Variants in ATG10 observed in about 807,000 individuals in gnomAD.
ATG10 encodes the protein ubiquitin-like-conjugating enzyme ATG10.
A neutral mutation model predicts 32.1 loss-of-function variants in ATG10; 30 were observed. The ratio of observed to expected loss-of-function variants is 0.94; its 90% CI spans 0.70 to 1.27. The LOEUF (loss-of-function observed/expected upper bound fraction) is 1.27. Ranked by LOEUF, ATG10 falls within the 50% of genes most tolerant of loss-of-function variation. The pLI is 0.00. For synonymous variants in ATG10, 87 were observed against 91.5 expected, an observed-to-expected ratio of 0.95 and a Z score of 0.28; for missense variants, 233 against 262.3, an observed-to-expected ratio of 0.89 and a Z score of 0.77.
At chr5:82,124,315 T>A (rs1322709610) in intron 3 of ATG10, among the ~76,000 whole-genome samples, 1 of 151,558 alleles carries the variant, frequency 6.6e-6, no homozygotes, top group Non-Finnish European at 1.5e-5. Flanking sequence ...TTTTTTTTTT[T>A]ATAATTTAAG....
intron 2 of ATG10, among the ~76,000 whole-genome samples, chr5:82,016,847 C>A (rs543642972): frequency 6.6e-6 from 1 of 152,108 alleles, no homozygotes; most frequent in East Asian, 1.9e-4. Flanking sequence ...TGCCACCACG[C>A]CTGGCTAATT....
intron 2 of ATG10, among the ~76,000 whole-genome samples, chr5:82,000,191 CACAA>C (rs1489936462): frequency 1.1e-4 from 16 of 152,284 alleles, no homozygotes; most frequent in South Asian, 4.1e-4. Flanking sequence ...TGATTTGACA[CACAA>C]ACAAACTAAA....
intron 2 of ATG10, among the ~76,000 whole-genome samples, chr5:82,038,859 ATTAATT>A: frequency 6.6e-6 from 1 of 152,300 alleles, no homozygotes; most frequent in South Asian, 2.1e-4. Flanking sequence ...TGTTTAATTA[ATTAATT>A]TAGACTGAAT....
intron 5 of ATG10, among the ~76,000 whole-genome samples, chr5:82,247,962 T>C (rs533431005): frequency 7.8e-4 from 119 of 152,330 alleles, no homozygotes; most frequent in African/African-American, 2.7e-3. Context: ...TCTGTAAAGC[T>C]TGCAGGTTGG....
At chr5:82,219,791 G>A (rs1440191553) in intron 5 of ATG10, among the ~76,000 whole-genome samples, 7 of 152,190 alleles carry the variant, frequency 4.6e-5, no homozygotes, top group African/African-American at 1.4e-4. Context: ...AATTACTTAT[G>A]GACTTATTAG....
chr5:82,179,131 A>G (rs1744140865), intron 5 of ATG10, among the ~76,000 whole-genome samples: 1 of 152,150 alleles, frequency 6.6e-6, no homozygotes, highest in Non-Finnish European at 1.5e-5. Flanking sequence ...ACTGAAAGTG[A>G]AAAACAGAAT....
chr5:82,136,555 C>T (rs1766758794), intron 3 of ATG10, among the ~76,000 whole-genome samples: 1 of 152,166 alleles, frequency 6.6e-6, no homozygotes, highest in South Asian at 2.1e-4. Flanking sequence ...ATATTGGTCC[C>T]TACTCTCTTC....
At chr5:82,216,798 T>C (rs953061634) in intron 5 of ATG10, among the ~76,000 whole-genome samples, 3 of 152,172 alleles carry the variant, frequency 2.0e-5, no homozygotes, top group African/African-American at 7.2e-5. Flanking sequence ...GGCTCATGCC[T>C]GTAATCCCAG....
intron 5 of ATG10, among the ~76,000 whole-genome samples, chr5:82,196,809 T>C (rs1241000682): frequency 6.6e-6 from 1 of 152,220 alleles, no homozygotes; most frequent in Non-Finnish European, 1.5e-5. Context: ...CAGTCATTTT[T>C]TGAAATTGGG....
At chr5:82,122,482 C>T (rs1165829581) in intron 3 of ATG10, among the ~76,000 whole-genome samples, 1 of 152,086 alleles carries the variant, frequency 6.6e-6, no homozygotes, top group Admixed American at 6.6e-5. Flanking sequence ...ACACCAAAAG[C>T]AATTGCAACA....
intron 2 of ATG10, among the ~76,000 whole-genome samples, chr5:82,046,240 C>T (rs1763234309): frequency 6.6e-6 from 1 of 152,156 alleles, no homozygotes; most frequent in Non-Finnish European, 1.5e-5. Context: ...CACCTGGAAC[C>T]TGTGAATGCA....
chr5:82,049,556 TA>T (rs1051332400), intron 2 of ATG10, among the ~76,000 whole-genome samples: 18 of 149,608 alleles, frequency 1.2e-4, no homozygotes, highest in Admixed American at 4.7e-4. Flanking sequence ...ATAATAATAA[TA>T]AATAAAAAAA....
At chr5:82,048,455 TA>T (rs1763294239) in intron 2 of ATG10, among the ~76,000 whole-genome samples, 2 of 152,078 alleles carry the variant, frequency 1.3e-5, no homozygotes, top group Admixed American at 1.3e-4. Flanking sequence ...GTTGGATTCC[TA>T]GGTATTTTTA....
chr5:82,178,619 T>C, intron 5 of ATG10, 32 bp downstream of exon 5: 1 of 1,373,482 alleles, frequency 7.3e-7, no homozygotes. Flanking sequence ...ATTGTATGCA[T>C]GTTATTGTAT....
At chr5:82,063,961 T>C (rs1396238582) in intron 3 of ATG10, among the ~76,000 whole-genome samples, 1 of 152,164 alleles carries the variant, frequency 6.6e-6, no homozygotes, top group South Asian at 2.1e-4. Context: ...AACCTGAACA[T>C]GTACCCTGAA....
chr5:82,010,317 C>A (rs748719255), intron 2 of ATG10, among the ~76,000 whole-genome samples: 2 of 152,026 alleles, frequency 1.3e-5, no homozygotes, highest in Non-Finnish European at 1.5e-5. Flanking sequence ...GTTTTGGTAC[C>A]TGTACTCTTA....
intron 2 of ATG10, among the ~76,000 whole-genome samples, chr5:82,030,998 TATC>T (rs1437837061): frequency 3.3e-5 from 5 of 152,198 alleles, no homozygotes; most frequent in Middle Eastern, 6.3e-3. Context: ...TTATTATTAT[TATC>T]ATCATCGTTT....
At chr5:82,234,639 C>G (rs549979573) in intron 5 of ATG10, among the ~76,000 whole-genome samples, 42 of 152,298 alleles carry the variant, frequency 2.8e-4, no homozygotes, top group Non-Finnish European at 5.3e-4. Context: ...GTTAAATGAC[C>G]TTGGGCAAGT....
chr5:82,104,231 G>A (rs1477021489), intron 3 of ATG10, among the ~76,000 whole-genome samples: 1 of 151,972 alleles, frequency 6.6e-6, no homozygotes, highest in Non-Finnish European at 1.5e-5. Context: ...GGGTCCTTGT[G>A]TATGCATATG....
Sources: allele counts gnomAD v4.1 joint callset (sites outside exome capture counted in the v4.1 genomes callset), GRCh38; gene constraint gnomAD v4.1.1; transcripts MANE v1.5; gene names NCBI Gene and HGNC (gene_info 2026-07-23, HGNC 2026-07-21).